PRMT1: variants seen among roughly 807,000 people sequenced by gnomAD.
The protein encoded by PRMT1 is protein arginine methyltransferase 1.
In PRMT1, 5 loss-of-function variants were observed where a neutral mutation model predicts 47.4. The observed-to-expected ratio is 0.11, with a 90% CI of 0.06 to 0.22. PRMT1 has a LOEUF of 0.22. Among genes scored for constraint, PRMT1 ranks in the 10% least tolerant of loss-of-function variants. PRMT1 has a pLI of 1.00. For synonymous variants in PRMT1, 227 were observed against 204.6 expected (o/e 1.11, Z -0.94); for missense variants, 249 against 518.4 (o/e 0.48, Z 5.05).
At position 49,688,017 on chromosome 19, in the gene PRMT1, T is replaced by C; in HGVS notation, c.1033-145T>C. On this transcript the variant is annotated intron_variant, in intron 10 of 10. Coordinates refer to ENST00000454376, the MANE Select transcript of PRMT1 (RefSeq NM_001536.6). This position sits in a 1 kb window ranked among gnomAD's most constrained non-coding sequence, Gnocchi z 5.3. ...CCCTTGGCAGGGTCAGGGCAGCTGC[T>C]AGGGTGGGACCAGCAGTTGGGGTCT... 1.3e-6 allele frequency: 1 copy of C among 763,468 alleles called. No individual in the cohort carries two copies. The highest frequency in any genetic ancestry group is 1.8e-5 in the Admixed American group (1 of 54,850). 47.3% of individuals were successfully genotyped at this position (763,468 alleles called of 1,614,324 possible).
upstream of PRMT1, chr19:49,676,386 T>C (rs2082039335): frequency 6.6e-6 from 1 of 152,226 alleles, no homozygotes; most frequent in South Asian, 2.1e-4. Context: ...CCGGAGGAAG[T>C]GGTGCCTAAG....
chr19:49,683,801 G>T lies in PRMT1; in HGVS notation c.413-126G>T. 2.8e-6 allele frequency: 3 copies of T among 1,088,046 alleles called. No individual in the cohort carries two copies. In the East Asian group the frequency reaches 7.7e-5, roughly 28 times the overall value. The allele number at this position is 1,088,046 out of a possible 1,614,324, so 67.4% of individuals were successfully genotyped here. On this transcript the variant is annotated intron_variant, in intron 5 of 10. Coordinates refer to ENST00000454376, the MANE Select transcript of PRMT1 (RefSeq NM_001536.6). ...TATGAATTTTAAAACTGTTAGAAGGGTTCATGGCTTCTGCTCACGCAGTTC... is the reference window on the plus strand; with the variant it reads ...TATGAATTTTAAAACTGTTAGAAGGTTTCATGGCTTCTGCTCACGCAGTTC...
At position 49,680,466 on chromosome 19, in the gene PRMT1, A is replaced by G. The variant is rs1568485538; in HGVS notation, c.91-21A>G. 6.3e-7 allele frequency: 1 copy of G among 1,592,790 alleles called. No individual in the cohort carries two copies. Among genetic ancestry groups the G allele is most frequent in the Non-Finnish European group, 8.6e-7 (1 of 1,160,758 alleles). On this transcript the variant is annotated intron_variant, in intron 2 of 10. Transcript: ENST00000454376. This position sits in a 1 kb window ranked among gnomAD's most constrained non-coding sequence, Gnocchi z 4.2. ...GGGGAGCCCCCAGATCTGACCCATG[A>G]TCCCATCGGCCCCCTCCCAGGTGTC...
At chr19:49,687,271 G>A (rs1309458840) in intron 10 of PRMT1, among the ~76,000 whole-genome samples, 1 of 152,160 alleles carries the variant, frequency 6.6e-6, no homozygotes, top group Non-Finnish European at 1.5e-5. Context: ...GGAGCTGGGG[G>A]GGCTTCTCGG....
chr19:49,684,043 GTGCTCTA>G lies in PRMT1; in HGVS notation c.533_539del (p.Leu178ProfsTer21), dbSNP rs775623223. ...CTTCTACGAGTCCATGCTCAACACC[GTGCTCTA>G]TGCCCGGGACAAGTGGCTGGTGAGG... On this transcript the variant is annotated frameshift_variant, in exon 6 of 11. Transcript: ENST00000454376. LOFTEE classifies it high-confidence loss of function. This position sits in a 1 kb window ranked among gnomAD's most constrained non-coding sequence, Gnocchi z 6.2. 6.2e-7 allele frequency: 1 copy of G among 1,614,190 alleles called. No individual in the cohort carries two copies. Among genetic ancestry groups the G allele is most frequent in the Admixed American group, 1.7e-5 (1 of 60,024 alleles).
chr19:49,686,495 A>G, intron 9 of PRMT1, 110 bp from the exon 10 acceptor site: 4 of 1,255,726 alleles, frequency 3.2e-6, no homozygotes, highest in Non-Finnish European at 4.3e-6. Context: ...TGACTCGCGG[A>G]TAGCAGTCCC....
rs1272793272 is a variant in PRMT1, at chr19:49,679,929, A to T, written c.90+4A>T. ...CCTCCAGCCGCCTCTTGAAGAAGTA[A>T]ATATCCTTTTGTGAGACCCCTCCCC... On this transcript the variant is annotated splice_donor_region_variant and intron_variant, in intron 2 of 10. Coordinates refer to ENST00000454376, the MANE Select transcript of PRMT1 (RefSeq NM_001536.6). 1 of 1,610,856 alleles carries T rather than the reference A, an allele frequency of 6.2e-7. No homozygotes were observed. The highest frequency in any genetic ancestry group is 8.5e-7 in the Non-Finnish European group (1 of 1,177,906).
At position 49,682,045 on chromosome 19, in the gene PRMT1, G is replaced by A. The variant is rs1238696447; in HGVS notation, c.328G>A (p.Gly110Arg). 8 of 1,613,962 alleles carry A rather than the reference G, an allele frequency of 5.0e-6. No individual in the cohort carries two copies. Among genetic ancestry groups the A allele is most frequent in the Non-Finnish European group, 5.9e-6 (7 of 1,180,006 alleles). Residue 110 changes from glycine to arginine, a missense_variant, in exon 4 of 11, where the codon GGG (glycine) becomes AGG (arginine). By Grantham distance (125) the Gly-to-Arg change is moderately radical. Around this residue, in one of 2 missense-constraint regions of PRMT1, gnomAD observed 190 missense variants for 456.7 expected, o/e 0.42. Transcript: ENST00000454376. ...GILCMFAAKA[G>R]ARKVIGIECS... ...CCTCTGCATGTTTGCTGCCAAGGCCGGGGCCCGCAAGGTCATCGGGGTGAG... is the reference window on the plus strand; with the variant it reads ...CCTCTGCATGTTTGCTGCCAAGGCCAGGGCCCGCAAGGTCATCGGGGTGAG...
rs1008788394 is a variant in PRMT1, at chr19:49,688,364, G to A, written c.*119G>A. ...GGGTTTTAGGGGCCTGGGCTGGGGG[G>A]ATGGGGAGGGCACATCGTGACTGTG... On this transcript the variant is annotated 3_prime_UTR_variant, in exon 11 of 11. Transcript: ENST00000454376. This position sits in a 1 kb window ranked among gnomAD's most constrained non-coding sequence, Gnocchi z 5.3. The A allele has an allele frequency of 9.7e-5, 85 of 877,450 alleles. No homozygotes were observed. In the African/African-American group the frequency reaches 1.3e-3, roughly 14 times the overall value. The allele number at this position is 877,450 out of a possible 1,614,324, so 54.4% of individuals were successfully genotyped here.
rs1489161462 is a variant in PRMT1 at position 49,685,438 on chromosome 19, A to C, written c.759+401A>C. 1.9e-5 allele frequency: 22 copies of C among 1,178,768 alleles called. No individual in the cohort carries two copies. The highest frequency in any genetic ancestry group is 2.2e-5 in the Non-Finnish European group (21 of 941,714). The allele number at this position is 1,178,768 out of a possible 1,614,324, so 73.0% of individuals were successfully genotyped here. A position where few individuals can be genotyped will look rare whatever the true frequency, so the allele number is the denominator to read the frequency against. On this transcript the variant is annotated intron_variant, in intron 8 of 10. Coordinates refer to ENST00000454376, the MANE Select transcript of PRMT1 (RefSeq NM_001536.6). This position sits in a 1 kb window ranked among gnomAD's most constrained non-coding sequence, Gnocchi z 4.7. Reference sequence around the variant, plus strand: ...CTCGGGAGGATCACTTGGGCCTGGGAGTTCAAGGCTGCAGTGAGCTGTGAT... The same window carrying C: ...CTCGGGAGGATCACTTGGGCCTGGGCGTTCAAGGCTGCAGTGAGCTGTGAT...
At chr19:49,683,247 A>G (rs2082147267) in intron 5 of PRMT1, among the ~76,000 whole-genome samples, 1 of 151,758 alleles carries the variant, frequency 6.6e-6, no homozygotes, top group Admixed American at 6.6e-5. Flanking sequence ...AGATTATTAT[A>G]ATGAACGCAC....
At position 49,686,666 on chromosome 19, in the gene PRMT1, C is replaced by G. The variant is rs768295732; in HGVS notation, c.972C>G (p.Thr324=). Residue 324 remains threonine (T), a synonymous_variant, in exon 10 of 11, where the codon ACC becomes ACG. Coordinates refer to ENST00000454376, the MANE Select transcript of PRMT1 (RefSeq NM_001536.6). ...TGTTCTACATGGAGGACTACCTGAC[C>G]GTGAAGACGGGCGAGGAGATCTTCG... ...QTVFYMEDYL[T]VKTGEEIFGT... is the part of the protein sequence containing the mutation. 1.9e-6 allele frequency: 3 copies of G among 1,612,244 alleles called. No individual in the cohort carries two copies. The highest frequency in any genetic ancestry group is 3.3e-5 in the Admixed American group (2 of 59,894).
At chr19:49,679,814 C>A (rs1382119579) in intron 1 of PRMT1, 58 bp from the exon 2 acceptor site, 2 of 1,436,876 alleles carry the variant, frequency 1.4e-6, no homozygotes, top group East Asian at 2.3e-5. Context: ...TTCCGCCACC[C>A]AGCCCTCCCA....
chr19:49,677,343 C>G (rs767403599), intron 1 of PRMT1, 27 bp downstream of exon 1: 8 of 1,378,262 alleles, frequency 5.8e-6, no homozygotes, highest in Non-Finnish European at 7.5e-6. Context: ...CCGCCGTGGG[C>G]GGGAGGCGGC....
Position 49,685,956 on chromosome 19 carries a change from G to T in PRMT1, c.760-137G>T. On this transcript the variant is annotated intron_variant, in intron 8 of 10. Coordinates refer to ENST00000454376, the MANE Select transcript of PRMT1 (RefSeq NM_001536.6). The surrounding 1 kb of genome is among the most constrained non-coding windows in gnomAD (Gnocchi z 4.7). Reference sequence around the variant, plus strand: ...CAGGATGCAGAGTGAAGGAGGAGCCGAGGCTGGGTGCCAGTGAGGGAGGGC... The same window carrying T: ...CAGGATGCAGAGTGAAGGAGGAGCCTAGGCTGGGTGCCAGTGAGGGAGGGC... 6.8e-7 allele frequency: 1 copy of T among 1,470,466 alleles called. No individual in the cohort carries two copies. The highest frequency in any genetic ancestry group is 8.9e-7 in the Non-Finnish European group (1 of 1,118,242). The allele number at this position is 1,470,466 out of a possible 1,614,324, so 91.1% of individuals were successfully genotyped here.
In PRMT1 at chr19:49,688,045, A is replaced by G; in HGVS notation, c.1033-117A>G. The G allele has an allele frequency of 1.1e-6, 1 of 926,662 alleles. No homozygotes were observed. Among genetic ancestry groups the G allele is most frequent in the Non-Finnish European group, 1.8e-6 (1 of 560,516 alleles). The allele number at this position is 926,662 out of a possible 1,614,324, so 57.4% of individuals were successfully genotyped here. A position where few individuals can be genotyped will look rare whatever the true frequency, so the allele number is the denominator to read the frequency against. ...GGTGGGACCAGCAGTTGGGGTCTGC[A>G]GCGTGGAGATGGGCAGGAAGCTGGA... On this transcript the variant is annotated intron_variant, in intron 10 of 10. Transcript: ENST00000454376. This position sits in a 1 kb window ranked among gnomAD's most constrained non-coding sequence, Gnocchi z 5.3.
chr19:49,677,174 G>A (rs1030176471), upstream of PRMT1: 3 of 1,112,952 alleles, frequency 2.7e-6, no homozygotes, highest in African/African-American at 1.6e-5. Flanking sequence ...ATCTTCCAGC[G>A]GGGTCGCGGT....
chr19:49,677,263 G>A (rs761337632), upstream of PRMT1: 1 of 1,423,398 alleles, frequency 7.0e-7, no homozygotes, highest in African/African-American at 1.5e-5. Flanking sequence ...GCCGGAGGAG[G>A]AGTAGGTGCG....
chr19:49,685,972 G>A lies in PRMT1; in HGVS notation c.760-121G>A. Reference sequence around the variant, plus strand: ...GGAGGAGCCGAGGCTGGGTGCCAGTGAGGGAGGGCTAGCAGGAAGGGGACA... The same window carrying A: ...GGAGGAGCCGAGGCTGGGTGCCAGTAAGGGAGGGCTAGCAGGAAGGGGACA... On this transcript the variant is annotated intron_variant, in intron 8 of 10. Transcript: ENST00000454376. This position sits in a 1 kb window ranked among gnomAD's most constrained non-coding sequence, Gnocchi z 4.7. The A allele has an allele frequency of 1.0e-5, 15 of 1,491,734 alleles. No individual in the cohort carries two copies. Among genetic ancestry groups the A allele is most frequent in the South Asian group, 1.4e-5 (1 of 73,706 alleles). 92.4% of individuals were successfully genotyped at this position (1,491,734 alleles called of 1,614,324 possible). A position where few individuals can be genotyped will look rare whatever the true frequency, so the allele number is the denominator to read the frequency against.
Sources: gnomAD v4.1 joint callset for allele counts (sites outside exome capture counted in the v4.1 genomes callset) on GRCh38, gnomAD v4.1.1 for gene constraint, gnomAD v4.1.1 regional missense constraint, Gnocchi (gnomAD v3.1) non-coding constraint, MANE v1.5 for transcripts, NCBI Gene and HGNC (gene_info 2026-07-23, HGNC 2026-07-21) for gene names.